The following IL1RAPL2 variants were observed in gnomAD, a reference collection of about 807,000 sequenced individuals.
IL1RAPL2 encodes the protein interleukin 1 receptor accessory protein like 2.
A neutral mutation model predicts 44.1 loss-of-function variants in IL1RAPL2; 3 were observed. That is an observed-to-expected ratio of 0.07 (90% CI 0.03 to 0.18). The LOEUF is 0.18. Among genes scored for constraint, IL1RAPL2 ranks in the 10% least tolerant of loss-of-function variants. The pLI is 1.00. For synonymous variants in IL1RAPL2, 181 were observed against 178.8 expected, an observed-to-expected ratio of 1.01 and a Z score of -0.10; for missense variants, 391 against 496.4, an observed-to-expected ratio of 0.79 and a Z score of 2.02.
chrX:104,757,114 G>A (rs916379803), intron 2 of IL1RAPL2, among the ~76,000 whole-genome samples: 1 of 111,662 alleles, frequency 9.0e-6, no homozygotes, highest in Admixed American at 9.6e-5. Context: ...GACTAAAGAG[G>A]ACAAGAGAAG....
intron 2 of IL1RAPL2, among the ~76,000 whole-genome samples, chrX:105,075,354 G>C (rs2032278433): frequency 9.0e-6 from 1 of 111,505 alleles, no homozygotes; most frequent in Admixed American, 9.5e-5. Context: ...TTATTGTTTT[G>C]CATATGTTGA....
chrX:105,665,299 C>A (rs2037750801), intron 6 of IL1RAPL2, among the ~76,000 whole-genome samples: 1 of 109,847 alleles, frequency 9.1e-6, no homozygotes, highest in African/African-American at 3.3e-5. Context: ...AGGAGCTCAG[C>A]CTTACATAAA....
chrX:104,892,976 G>T (rs1478878550), intron 2 of IL1RAPL2, among the ~76,000 whole-genome samples: 1 of 111,940 alleles, frequency 8.9e-6, no homozygotes, highest in African/African-American at 3.3e-5. Context: ...GTGTCCCAGA[G>T]ATTCTGGTAT....
At chrX:104,594,853 C>T (rs1393807583) in intron 1 of IL1RAPL2, among the ~76,000 whole-genome samples, 1 of 111,181 alleles carries the variant, frequency 9.0e-6, no homozygotes, top group Non-Finnish European at 1.9e-5. Flanking sequence ...TGCAAAGCTC[C>T]TGAGGTGGCA....
rs748101220 is a variant in IL1RAPL2, at chrX:105,169,492, CTTTTTTTT to C, written c.83-25960_83-25953del. 1.4e-3 allele frequency among the ~76,000 whole-genome samples: 58 copies of C among 41,556 alleles called. 1 individual carries two copies. The highest frequency in any genetic ancestry group is 7.7e-3 in the African/African-American group (56 of 7,269). 36.1% of individuals were successfully genotyped at this position (41,556 alleles called of 115,157 possible). On this transcript the variant is annotated intron_variant, in intron 2 of 10. Transcript: ENST00000372582. ...TGAGAAACTTTCAGTTTCTTTCTTT[CTTTTTTTT>C]TTTTTTTTTTTTTTTTTTTTTTGAG... is the stretch of plus-strand genomic sequence containing the variant.
Position 105,265,224 on chromosome X carries a change from C to T in IL1RAPL2, c.544-2164C>T, listed in dbSNP as rs757699456. On this transcript the variant is annotated intron_variant, in intron 4 of 10. Transcript: ENST00000372582. ...CACCCCCACCACTGTTGTGTGAAAG[C>T]GCAGCAGCTCAGTTTTCATTTTCCT... is the stretch of plus-strand genomic sequence containing the variant. Among the ~76,000 whole-genome samples the T allele has an allele frequency of 3.6e-5, 4 of 112,161 alleles. No homozygotes were observed. In the East Asian group the frequency reaches 8.4e-4, roughly 24 times the overall value.
intron 1 of IL1RAPL2, among the ~76,000 whole-genome samples, chrX:104,646,466 A>G (rs776089649): frequency 9.0e-6 from 1 of 111,544 alleles, no homozygotes; most frequent in East Asian, 2.8e-4. Context: ...ATGCTGTTGT[A>G]GGTATCATAT....
chrX:105,183,118 G>A (rs1288352551), intron 2 of IL1RAPL2, among the ~76,000 whole-genome samples: 1 of 111,508 alleles, frequency 9.0e-6, no homozygotes, highest in Non-Finnish European at 1.9e-5. Flanking sequence ...CCCCAGTGGT[G>A]CACATGGGCA....
At chrX:105,310,170 T>A (rs2034786150) in intron 5 of IL1RAPL2, among the ~76,000 whole-genome samples, 1 of 111,562 alleles carries the variant, frequency 9.0e-6, no homozygotes, top group Non-Finnish European at 1.9e-5. Flanking sequence ...CTAGTCAGAG[T>A]TTCTATTTCA....
intron 6 of IL1RAPL2, among the ~76,000 whole-genome samples, chrX:105,518,118 T>C (rs2036528861): frequency 9.0e-6 from 1 of 110,586 alleles, no homozygotes; most frequent in African/African-American, 3.3e-5. Flanking sequence ...AGGTCTTTGG[T>C]GGGGAAAGAG....
At chrX:105,200,421 G>T (rs1385023949) in intron 3 of IL1RAPL2, among the ~76,000 whole-genome samples, 5 of 111,980 alleles carry the variant, frequency 4.5e-5, no homozygotes, top group African/African-American at 1.6e-4. Flanking sequence ...ATCATATTGT[G>T]AGAGACGGTG....
intron 2 of IL1RAPL2, among the ~76,000 whole-genome samples, chrX:105,153,193 G>T (rs1236967817): frequency 8.9e-6 from 1 of 112,065 alleles, no homozygotes; most frequent in Non-Finnish European, 1.9e-5. Flanking sequence ...AAATGAGCAG[G>T]TCTCTGTAAA....
In IL1RAPL2 at chrX:104,764,819, GT is replaced by G. The variant is rs750055007; in HGVS notation, c.82+105829del. 6.2e-5 allele frequency among the ~76,000 whole-genome samples: 7 copies of G among 112,034 alleles called. No homozygotes were observed. In the East Asian group the frequency reaches 2.0e-3, roughly 31 times the overall value. ...CATCATCAATTGAAATGATCACTAG[GT>G]TTTTATCCTTCATTCTGTCGATATG... is the stretch of plus-strand genomic sequence containing the variant. On this transcript the variant is annotated intron_variant, in intron 2 of 10. Coordinates refer to ENST00000372582, the MANE Select transcript of IL1RAPL2 (RefSeq NM_017416.2).
intron 5 of IL1RAPL2, among the ~76,000 whole-genome samples, chrX:105,305,709 G>A (rs1189002448): frequency 3.6e-5 from 4 of 111,811 alleles, no homozygotes; most frequent in African/African-American, 1.3e-4. Flanking sequence ...TGGATAATAA[G>A]GTTGAGCCTT....
intron 4 of IL1RAPL2, among the ~76,000 whole-genome samples, chrX:105,264,181 G>C (rs5962271): frequency 0.2 from 21,507 of 109,698 alleles, 4,333 homozygotes; most frequent in African/African-American, 0.61. Context: ...GATAGTGAGT[G>C]AGTTCTCAGG....
In IL1RAPL2 at chrX:104,924,416, A is replaced by G. The variant is rs139649859; in HGVS notation, c.82+265421A>G. On this transcript the variant is annotated intron_variant, in intron 2 of 10. Transcript: ENST00000372582. ...GGATATACATTTTTCTCACCTGTGC[A>G]TGGAACACTCTCGAAAATTGACCAT... Among the ~76,000 whole-genome samples the G allele has an allele frequency of 3.5e-3, 388 of 112,065 alleles. 1 individual carries two copies. The highest frequency in any genetic ancestry group is 0.012 in the African/African-American group (360 of 30,909).
At chrX:105,655,795 G>A (rs965503095) in intron 6 of IL1RAPL2, among the ~76,000 whole-genome samples, 3 of 111,607 alleles carry the variant, frequency 2.7e-5, no homozygotes, top group Non-Finnish European at 5.7e-5. Context: ...CAGTTATCAG[G>A]TTTTCTTGTC....
At chrX:104,909,747 A>G (rs1165037654) in intron 2 of IL1RAPL2, among the ~76,000 whole-genome samples, 1 of 112,191 alleles carries the variant, frequency 8.9e-6, no homozygotes, top group Non-Finnish European at 1.9e-5. Context: ...GCTCTCTTCA[A>G]AGCTGTCAGA....
chrX:105,078,999 C>A (rs2032360038), intron 2 of IL1RAPL2, among the ~76,000 whole-genome samples: 1 of 112,362 alleles, frequency 8.9e-6, no homozygotes, highest in Admixed American at 9.4e-5. Flanking sequence ...CGATGCCTCG[C>A]CCTGCTTCGG....
Sources: allele counts gnomAD v4.1 joint callset (sites outside exome capture counted in the v4.1 genomes callset), GRCh38; gene constraint gnomAD v4.1.1; transcripts MANE v1.5; gene names NCBI Gene and HGNC (gene_info 2026-07-23, HGNC 2026-07-21).